ARHGEF26: variants seen among roughly 807,000 people sequenced by gnomAD.
ARHGEF26 encodes Rho guanine nucleotide exchange factor 26.
In ARHGEF26, 59 loss-of-function variants were observed where a neutral mutation model predicts 89.4. The observed-to-expected ratio is 0.66, with a 90% CI of 0.54 to 0.82. The LOEUF is 0.82. Ranked by LOEUF, ARHGEF26 falls within the 40% of genes least tolerant of loss-of-function variation. The pLI is 0.00. For missense variants in ARHGEF26, 1,234 were observed against 1,085.6 expected, an observed-to-expected ratio of 1.14 and a Z score of -1.92; for synonymous variants, 500 against 428.4, an observed-to-expected ratio of 1.17 and a Z score of -2.06.
At position 154,143,476 on chromosome 3, in the gene ARHGEF26, T is replaced by A. The variant is rs1719511105; in HGVS notation, c.1270-5913T>A. On this transcript the variant is annotated intron_variant, in intron 4 of 14. Coordinates refer to ENST00000465093, the MANE Select transcript of ARHGEF26 (RefSeq NM_015595.4). ...CATACTAGCTCCTCAAATAAGTGGA[T>A]GTTTAGCTCTTTTAACCAATTTCTT... Among the ~76,000 whole-genome samples, 4 of 152,232 alleles carry A rather than the reference T, an allele frequency of 2.6e-5. No individual in the cohort carries two copies. The South Asian group carries it at 8.3e-4, about 31-fold the overall frequency.
At chr3:154,208,176 G>C (rs1715148156) in intron 9 of ARHGEF26, among the ~76,000 whole-genome samples, 1 of 152,120 alleles carries the variant, frequency 6.6e-6, no homozygotes, top group Non-Finnish European at 1.5e-5. Context: ...GATGAACTGT[G>C]CAGTAAACCA....
rs369025719 is a variant in ARHGEF26, at chr3:154,217,817, G to T, written c.1846-52G>T. The T allele has an allele frequency of 2.1e-4, 283 of 1,379,146 alleles. No individual in the cohort carries two copies. In the African/African-American group the frequency reaches 2.7e-3, roughly 13 times the overall value. 85.4% of individuals were successfully genotyped at this position (1,379,146 alleles called of 1,614,324 possible). On this transcript the variant is annotated intron_variant, in intron 9 of 14. Coordinates refer to ENST00000465093, the MANE Select transcript of ARHGEF26 (RefSeq NM_015595.4). ...TCCTGTGAGAGTTCTGCTTTTGAAA[G>T]TGAGGTTTCTCTCCTTGACCTTTAA...
chr3:154,191,544 G>A, intron 8 of ARHGEF26, 126 bp downstream of exon 8: 1 of 1,171,766 alleles, frequency 8.5e-7, no homozygotes, highest in Non-Finnish European at 1.2e-6. Context: ...CCAATTAAGT[G>A]AGAAGGTGTT....
intron 12 of ARHGEF26, among the ~76,000 whole-genome samples, chr3:154,245,986 G>T (rs536914998): frequency 5.3e-5 from 8 of 152,284 alleles, no homozygotes; most frequent in Admixed American, 6.5e-5. Flanking sequence ...CTGGGCAAAT[G>T]GTCTGCAATG....
chr3:154,212,949 G>A lies in ARHGEF26; in HGVS notation c.1846-4920G>A, dbSNP rs6767467. Among the ~76,000 whole-genome samples, 1,264 of 152,240 alleles carry A rather than the reference G, an allele frequency of 8.3e-3. 15 individuals are homozygous for A. Among genetic ancestry groups the A allele is most frequent in the African/African-American group, 0.029 (1,208 of 41,522 alleles). On this transcript the variant is annotated intron_variant, in intron 9 of 14. Coordinates refer to ENST00000465093, the MANE Select transcript of ARHGEF26 (RefSeq NM_015595.4). ...AACATTGTCTTACCTAAATGATTGT[G>A]CACATCTAACCATTTCTAAAGATAA...
chr3:154,228,311 A>G (rs1716615504), intron 11 of ARHGEF26, among the ~76,000 whole-genome samples: 1 of 151,074 alleles, frequency 6.6e-6, no homozygotes, highest in Admixed American at 6.6e-5. Flanking sequence ...CTAATTTTGT[A>G]TTTTTAGTAG....
At chr3:154,201,520 G>A (rs1714635898) in intron 9 of ARHGEF26, among the ~76,000 whole-genome samples, 1 of 152,192 alleles carries the variant, frequency 6.6e-6, no homozygotes, top group Admixed American at 6.5e-5. Context: ...TATATACCCA[G>A]TAATGGGATG....
chr3:154,178,032 T>C (rs534721157), intron 6 of ARHGEF26, among the ~76,000 whole-genome samples: 8 of 152,098 alleles, frequency 5.3e-5, no homozygotes, highest in Admixed American at 2.0e-4. Flanking sequence ...GGTGAACCCC[T>C]GTCTCTCCTA....
chr3:154,192,785 T>C (rs1402595055), intron 8 of ARHGEF26, among the ~76,000 whole-genome samples: 1 of 152,218 alleles, frequency 6.6e-6, no homozygotes, highest in East Asian at 1.9e-4. Flanking sequence ...TATTAGACTT[T>C]TGAATTTTCA....
chr3:154,239,318 G>T (rs1402939187), intron 11 of ARHGEF26, among the ~76,000 whole-genome samples: 5 of 148,636 alleles, frequency 3.4e-5, no homozygotes, highest in African/African-American at 1.3e-4. Context: ...GTGTGTGTGT[G>T]TGTGTGTGTG....
At position 154,240,695 on chromosome 3, in the gene ARHGEF26, C is replaced by G. The variant is rs1717435976; in HGVS notation, c.2300+116C>G. ...TACTATTCATGTTTTTGTTGAGCAC[C>G]TACTGTTCGCTAAGCACTATGACTG... On this transcript the variant is annotated intron_variant, in intron 12 of 14. Coordinates refer to ENST00000465093, the MANE Select transcript of ARHGEF26 (RefSeq NM_015595.4). 8.3e-6 allele frequency: 7 copies of G among 841,774 alleles called. No individual in the cohort carries two copies. In the South Asian group the frequency reaches 1.1e-4, roughly 13 times the overall value. The allele number at this position is 841,774 out of a possible 1,614,324, so 52.1% of individuals were successfully genotyped here.
rs189655445 is a variant in ARHGEF26, at chr3:154,125,387, T to C, written c.1123+938T>C. ...GCACCAATCTTAGGAAATCCAGATA[T>C]AGTATTTAGCTGGTTGGAATAAGTT... On this transcript the variant is annotated intron_variant, in intron 3 of 14. Coordinates refer to ENST00000465093, the MANE Select transcript of ARHGEF26 (RefSeq NM_015595.4). 2.3e-3 allele frequency among the ~76,000 whole-genome samples: 355 copies of C among 152,300 alleles called. 1 individual carries two copies. The highest frequency in any genetic ancestry group is 6.8e-3 in the Middle Eastern group (2 of 294).
intron 6 of ARHGEF26, among the ~76,000 whole-genome samples, chr3:154,154,128 GT>G (rs1242330876): frequency 6.6e-6 from 1 of 152,062 alleles, no homozygotes; most frequent in Non-Finnish European, 1.5e-5. Context: ...CATATATTCA[GT>G]GGTAAAGTTC....
At chr3:154,165,924 A>T (rs1015660640) in intron 6 of ARHGEF26, among the ~76,000 whole-genome samples, 4 of 152,204 alleles carry the variant, frequency 2.6e-5, no homozygotes, top group African/African-American at 9.6e-5. Context: ...AGCTTTGCAG[A>T]CATTACCTTA....
chr3:154,243,824 A>T (rs539898937), intron 12 of ARHGEF26, among the ~76,000 whole-genome samples: 3 of 151,774 alleles, frequency 2.0e-5, no homozygotes, highest in Admixed American at 6.6e-5. Context: ...GTGTTGAAAA[A>T]ATATATTTAA....
chr3:154,225,717 C>G (rs754392274), intron 10 of ARHGEF26, 139 bp from the exon 11 acceptor site: 11 of 781,362 alleles, frequency 1.4e-5, no homozygotes, highest in Non-Finnish European at 1.9e-5. Context: ...ATTTATAGTT[C>G]AGTTTTATAT....
intron 6 of ARHGEF26, among the ~76,000 whole-genome samples, chr3:154,167,151 G>A (rs901869602): frequency 6.6e-6 from 1 of 152,164 alleles, no homozygotes; most frequent in Non-Finnish European, 1.5e-5. Context: ...TGTGAAAATA[G>A]TCATTGCTCT....
At chr3:154,249,320 T>C (rs1028256578) in intron 12 of ARHGEF26, among the ~76,000 whole-genome samples, 3 of 152,210 alleles carry the variant, frequency 2.0e-5, no homozygotes, top group East Asian at 1.9e-4. Context: ...TGCTGTATCT[T>C]TGACCTTCAT....
At chr3:154,124,145 C>T (rs147252177) in intron 2 of ARHGEF26, among the ~76,000 whole-genome samples, 1 of 152,200 alleles carries the variant, frequency 6.6e-6, no homozygotes, top group East Asian at 1.9e-4. Flanking sequence ...ATGAGCTGAC[C>T]TGCTAGTTAT....
Sources: allele counts gnomAD v4.1 joint callset (sites outside exome capture counted in the v4.1 genomes callset), GRCh38; gene constraint gnomAD v4.1.1; transcripts MANE v1.5; gene names NCBI Gene and HGNC (gene_info 2026-07-23, HGNC 2026-07-21).